Variants in RBM25 observed in about 807,000 individuals in gnomAD.
The protein encoded by RBM25 is RNA-binding protein 25.
In RBM25, 19 loss-of-function variants were observed where a neutral mutation model predicts 120.7. The observed-to-expected ratio is 0.16, with a 90% CI of 0.11 to 0.23. The LOEUF (loss-of-function observed/expected upper bound fraction) is 0.23, where lower values mean the gene tolerates loss of function less well. RBM25 is among the 10% of genes least tolerant of loss of function. The pLI is 1.00. For missense variants in RBM25, 605 were observed against 1,041.5 expected, an observed-to-expected ratio of 0.58 and a Z score of 5.77; for synonymous variants, 390 against 326.7, an observed-to-expected ratio of 1.19 and a Z score of -2.09.
intron 6 of RBM25, among the ~76,000 whole-genome samples, chr14:73,094,038 G>A (rs1224167991): frequency 3.5e-5 from 5 of 142,340 alleles, no homozygotes; most frequent in Non-Finnish European, 7.5e-5. Context: ...TGCAAGCTCC[G>A]CCTCCCGGGT....
chr14:73,111,036 C>T lies in RBM25; in HGVS notation c.1898C>T (p.Ala633Val), dbSNP rs1333373193. The stretch of plus-strand genomic sequence containing the variant: ...TCTGTTTCCTCTGCCAGTGGCAATG[C>T]AACACCTAACACTCCTGGGGATGAG... ...APSVSSASGN[A>V]TPNTPGDESP... The change falls in exon 15 of 19, where the codon GCA becomes GTA. Residue 633 changes from alanine to valine, a missense_variant. Physicochemically the swap from Ala to Val is moderately conservative, Grantham distance 64. Transcript: ENST00000261973. 6.2e-7 allele frequency: 1 copy of T among 1,614,154 alleles called. No individual in the cohort carries two copies. Among genetic ancestry groups the T allele is most frequent in the East Asian group, 2.2e-5 (1 of 44,894 alleles).
chr14:73,108,744 G>T (rs1409030333), intron 13 of RBM25, among the ~76,000 whole-genome samples: 1 of 152,154 alleles, frequency 6.6e-6, no homozygotes, highest in Non-Finnish European at 1.5e-5. Flanking sequence ...ATTGGAATTA[G>T]TAGCTTAAAT....
rs1199921496 is a variant in RBM25, at chr14:73,058,622, G to C, written c.-99G>C. ...GCACTCAGTCTCCCTGGCGAGCGACGGGCAGAAATCTCGAACCAGTGGAGC... is the reference window on the plus strand; with the variant it reads ...GCACTCAGTCTCCCTGGCGAGCGACCGGCAGAAATCTCGAACCAGTGGAGC... On this transcript the variant is annotated 5_prime_UTR_variant, in exon 1 of 19. Coordinates refer to ENST00000261973, the MANE Select transcript of RBM25 (RefSeq NM_021239.3). 6.6e-6 allele frequency: 1 copy of C among 152,168 alleles called. No individual in the cohort carries two copies. The highest frequency in any genetic ancestry group is 2.4e-5 in the African/African-American group (1 of 41,438). 9.4% of individuals were successfully genotyped at this position (152,168 alleles called of 1,614,324 possible).
chr14:73,114,399 T>C (rs1420239421), intron 18 of RBM25, 66 bp downstream of exon 18: 3 of 1,209,112 alleles, frequency 2.5e-6, no homozygotes, highest in African/African-American at 1.6e-5. Context: ...TTTTTTGTCT[T>C]AAAATATAGA....
intron 1 of RBM25, chr14:73,068,592 C>T (rs868178831): frequency 2.5e-5 from 13 of 529,822 alleles, no homozygotes; most frequent in South Asian, 1.2e-4. Flanking sequence ...TAGATCTGAC[C>T]ATGGCTCTGA....
chr14:73,117,002 C>G (rs1376841151), intron 18 of RBM25, among the ~76,000 whole-genome samples: 3 of 151,944 alleles, frequency 2.0e-5, no homozygotes, highest in Non-Finnish European at 4.4e-5. Flanking sequence ...ATACCTTTTT[C>G]ATTTTATGTA....
intron 2 of RBM25, among the ~76,000 whole-genome samples, chr14:73,075,006 TA>T (rs925779863): frequency 2.0e-5 from 3 of 150,278 alleles, no homozygotes; most frequent in Admixed American, 6.6e-5. Context: ...TTTTTTTTTT[TA>T]AATAAAGAAA....
chr14:73,100,338 C>A, intron 9 of RBM25: 1 of 687,466 alleles, frequency 1.5e-6, no homozygotes, highest in South Asian at 1.5e-5. Flanking sequence ...AAACTCTCAG[C>A]TTGGAAAGTA....
At chr14:73,113,825 A>T (rs962207102) in intron 17 of RBM25, among the ~76,000 whole-genome samples, 2 of 152,232 alleles carry the variant, frequency 1.3e-5, no homozygotes, top group Non-Finnish European at 2.9e-5. Context: ...GCTATGTTTT[A>T]TACTGAGTCT....
chr14:73,079,200 A>G (rs1895498881), intron 4 of RBM25, among the ~76,000 whole-genome samples: 1 of 150,618 alleles, frequency 6.6e-6, no homozygotes, highest in Admixed American at 6.6e-5. Context: ...AGGTGAGTGG[A>G]TCACTTGAGG....
intron 12 of RBM25, chr14:73,107,372 G>GA (rs1228466388): frequency 1.3e-5 from 2 of 152,742 alleles, no homozygotes; most frequent in African/African-American, 4.9e-5. Flanking sequence ...AAGAGGACAA[G>GA]AAAAATCTTT....
At chr14:73,062,719 C>T (rs1895032378) in intron 1 of RBM25, among the ~76,000 whole-genome samples, 1 of 151,472 alleles carries the variant, frequency 6.6e-6, no homozygotes, top group Admixed American at 6.6e-5. Context: ...AATTTGCATA[C>T]AATAAAATGC....
intron 5 of RBM25, among the ~76,000 whole-genome samples, chr14:73,085,316 C>CAAGATG (rs1366247189): frequency 2.0e-4 from 30 of 149,096 alleles, no homozygotes; most frequent in East Asian, 1.2e-3. Context: ...CGCGCCCGGC[C>CAAGATG]TCATCAGTAG....
chr14:73,072,053 A>G (rs1023201376), intron 2 of RBM25, among the ~76,000 whole-genome samples: 15 of 151,558 alleles, frequency 9.9e-5, no homozygotes, highest in African/African-American at 3.2e-4. Context: ...GCTCACTGCA[A>G]CCTCCACCTC....
rs930171328 is a variant in RBM25 at position 73,092,185 on chromosome 14, A to G, written c.543+4024A>G. Among the ~76,000 whole-genome samples the G allele has an allele frequency of 2.1e-5, 3 of 144,180 alleles. No homozygotes were observed. In the Admixed American group the frequency reaches 2.1e-4, roughly 10 times the overall value. 94.6% of individuals were successfully genotyped at this position (144,180 alleles called of 152,430 possible). Reference sequence around the variant, plus strand: ...TAGTGGAGTAGATTAGAGATTTGCCATGATTTTTTTTTTAAGGGTGGTGGG... The same window carrying G: ...TAGTGGAGTAGATTAGAGATTTGCCGTGATTTTTTTTTTAAGGGTGGTGGG... On this transcript the variant is annotated intron_variant, in intron 6 of 18. Transcript: ENST00000261973.
chr14:73,059,031 A>G (rs1894934697), intron 1 of RBM25, among the ~76,000 whole-genome samples: 1 of 151,922 alleles, frequency 6.6e-6, no homozygotes, highest in South Asian at 2.1e-4. Flanking sequence ...TCCACGTTAG[A>G]TACAAAACGA....
At chr14:73,095,544 T>C (rs926278421) in intron 6 of RBM25, among the ~76,000 whole-genome samples, 1 of 151,894 alleles carries the variant, frequency 6.6e-6, no homozygotes, top group Non-Finnish European at 1.5e-5. Context: ...AGGCCAGAGC[T>C]TGCAGTGAGC....
rs571262974 is a variant in RBM25, at chr14:73,087,686, C to T, written c.383-315C>T. Among the ~76,000 whole-genome samples the T allele has an allele frequency of 4.6e-5, 7 of 152,302 alleles. No homozygotes were observed. In the East Asian group the frequency reaches 7.7e-4, roughly 17 times the overall value. On this transcript the variant is annotated intron_variant, in intron 5 of 18. Coordinates refer to ENST00000261973, the MANE Select transcript of RBM25 (RefSeq NM_021239.3). ...CTGGGATTACAGGCATGAGCCACCG[C>T]GCCCGGCCAATTGACTCCTTTTAAT...
At chr14:73,088,281 T>C in intron 6 of RBM25, 120 bp downstream of exon 6, 2 of 1,266,710 alleles carry the variant, frequency 1.6e-6, no homozygotes, top group Non-Finnish European at 2.3e-6. Context: ...TGCTTGTGGC[T>C]TAATGTAGGA....
Sources: gnomAD v4.1 joint callset for allele counts (sites outside exome capture counted in the v4.1 genomes callset) on GRCh38, gnomAD v4.1.1 for gene constraint, MANE v1.5 for transcripts, NCBI Gene and HGNC (gene_info 2026-07-23, HGNC 2026-07-21) for gene names.